ARMC9: variants seen among roughly 807,000 people sequenced by gnomAD.
ARMC9 encodes the protein lisH domain-containing protein ARMC9.
A neutral mutation model predicts 107.0 loss-of-function variants in ARMC9; 94 were observed. The ratio of observed to expected loss-of-function variants is 0.88; its 90% CI spans 0.74 to 1.04. The LOEUF is 1.04. Among genes scored for constraint, ARMC9 ranks in the 50% least tolerant of loss-of-function variants. The pLI is 0.00. For synonymous variants in ARMC9, 380 were observed against 396.9 expected, an observed-to-expected ratio of 0.96 and a Z score of 0.51; for missense variants, 942 against 1,030.1, an observed-to-expected ratio of 0.91 and a Z score of 1.17.
intron 3 of ARMC9, among the ~76,000 whole-genome samples, chr2:231,210,569 A>T (rs1356780384): frequency 6.6e-6 from 1 of 152,242 alleles, no homozygotes; most frequent in African/African-American, 2.4e-5. Context: ...CTCTTTTGTG[A>T]AGTTCACACA....
At chr2:231,262,659 C>A (rs543690888) in intron 12 of ARMC9, among the ~76,000 whole-genome samples, 28 of 152,272 alleles carry the variant, frequency 1.8e-4, no homozygotes, top group Admixed American at 1.5e-3. Context: ...CTCTTTACCT[C>A]ACCTCACTGC....
intron 7 of ARMC9, among the ~76,000 whole-genome samples, chr2:231,228,580 AAGTC>A (rs1421085309): frequency 2.0e-5 from 3 of 152,216 alleles, no homozygotes; most frequent in Non-Finnish European, 2.9e-5. Context: ...CTAGCCTCTG[AAGTC>A]AGTCAGTCAT....
chr2:231,338,875 A>G (rs1156840751), intron 20 of ARMC9, among the ~76,000 whole-genome samples: 1 of 151,532 alleles, frequency 6.6e-6, no homozygotes, highest in Non-Finnish European at 1.5e-5. Context: ...CTGTCTACAT[A>G]TATGAAGATG....
At position 231,255,011 on chromosome 2, in the gene ARMC9, C is replaced by G. The variant is rs1322650521; in HGVS notation, c.880-1575C>G. 6.6e-6 allele frequency among the ~76,000 whole-genome samples: 1 copy of G among 152,174 alleles called. No homozygotes were observed. The highest frequency in any genetic ancestry group is 1.5e-5 in the Non-Finnish European group (1 of 68,042). Reference sequence around the variant, plus strand: ...ACAGTTAACACTAATTCCTTAGTATCTAATACCAGTCCACTCCATATTCAA... The same window carrying G: ...ACAGTTAACACTAATTCCTTAGTATGTAATACCAGTCCACTCCATATTCAA... On this transcript the variant is annotated intron_variant, in intron 9 of 24. Coordinates refer to ENST00000611582, the MANE Select transcript of ARMC9 (RefSeq NM_001352754.2). The surrounding 1 kb of genome is among the most constrained non-coding windows in gnomAD (Gnocchi z 4.7).
intron 19 of ARMC9, among the ~76,000 whole-genome samples, chr2:231,317,508 T>G (rs2125527566): frequency 6.6e-6 from 1 of 151,966 alleles, no homozygotes; most frequent in East Asian, 1.9e-4. Context: ...GTGTTTTTTT[T>G]GTGTGTGTTT....
intron 19 of ARMC9, among the ~76,000 whole-genome samples, chr2:231,308,068 G>T (rs779285472): frequency 6.6e-6 from 1 of 152,190 alleles, no homozygotes; most frequent in African/African-American, 2.4e-5. Flanking sequence ...ACAGTAAAGA[G>T]TGGACACTCA....
intron 19 of ARMC9, among the ~76,000 whole-genome samples, chr2:231,298,507 G>A (rs1010248154): frequency 6.6e-6 from 1 of 152,226 alleles, no homozygotes; most frequent in East Asian, 1.9e-4. Flanking sequence ...CTCTGAAGGA[G>A]ACAGCAAAAT....
chr2:231,311,706 T>C (rs1256903891), intron 19 of ARMC9, among the ~76,000 whole-genome samples: 1 of 139,302 alleles, frequency 7.2e-6, no homozygotes, highest in Non-Finnish European at 1.5e-5. Flanking sequence ...GGAGGTGGAG[T>C]TCTCAGTGAG....
Position 231,278,696 on chromosome 2 carries a change from C to T in ARMC9, c.1551+238C>T, listed in dbSNP as rs1320180429. Among the ~76,000 whole-genome samples, 5 of 151,950 alleles carry T rather than the reference C, an allele frequency of 3.3e-5. No individual in the cohort carries two copies. In the East Asian group the frequency reaches 9.7e-4, roughly 29 times the overall value. On this transcript the variant is annotated intron_variant, in intron 16 of 24. Transcript: ENST00000611582. ...TGTCTGCTTGGCCCACTGGCCTGTGCCGGGCCCCTCCGGCATTGCTGTTTC... is the reference window on the plus strand; with the variant it reads ...TGTCTGCTTGGCCCACTGGCCTGTGTCGGGCCCCTCCGGCATTGCTGTTTC...
chr2:231,335,139 G>C (rs1417076773), intron 20 of ARMC9, among the ~76,000 whole-genome samples: 1 of 152,198 alleles, frequency 6.6e-6, no homozygotes, highest in Non-Finnish European at 1.5e-5. Flanking sequence ...TTACCGTCAA[G>C]AAGTTTTCAG....
intron 3 of ARMC9, among the ~76,000 whole-genome samples, chr2:231,214,321 C>A (rs1381070875): frequency 6.6e-6 from 1 of 152,184 alleles, no homozygotes; most frequent in African/African-American, 2.4e-5. Context: ...AGCAATGGGG[C>A]AAGTGGCAGC....
intron 23 of ARMC9, among the ~76,000 whole-genome samples, chr2:231,365,945 G>C (rs2045799063): frequency 2.0e-5 from 3 of 152,184 alleles, no homozygotes; most frequent in Non-Finnish European, 4.4e-5. Context: ...AGTGGGAGGG[G>C]CCAGGCAGAG....
At chr2:231,333,065 C>T (rs189182747) in intron 20 of ARMC9, among the ~76,000 whole-genome samples, 13 of 152,312 alleles carry the variant, frequency 8.5e-5, no homozygotes, top group Admixed American at 3.9e-4. Flanking sequence ...TTGCCACCCC[C>T]AACCCAGACC....
At chr2:231,363,106 G>A (rs1040800142) in intron 23 of ARMC9, among the ~76,000 whole-genome samples, 4 of 152,222 alleles carry the variant, frequency 2.6e-5, no homozygotes, top group African/African-American at 9.6e-5. Flanking sequence ...CAGGGAGTGT[G>A]CAAGGAGTGC....
intron 20 of ARMC9, among the ~76,000 whole-genome samples, chr2:231,339,675 C>T (rs1018856318): frequency 1.3e-5 from 2 of 152,226 alleles, no homozygotes; most frequent in Non-Finnish European, 2.9e-5. Context: ...AGCAGTGGCT[C>T]ACGCCTGTAA....
intron 17 of ARMC9, 128 bp downstream of exon 17, chr2:231,282,261 A>G (rs1028358518): frequency 1.1e-6 from 1 of 895,092 alleles, no homozygotes; most frequent in Non-Finnish European, 1.8e-6. Context: ...TTGAAATTGT[A>G]TGTAAAATGT....
rs535812045 is a variant in ARMC9, at chr2:231,312,040, A to G, written c.1773+15787A>G. ...TCATTTGATCAATGTTATGTTTGCT[A>G]ACCCCCAAAAAACTACCCCAAATCT... On this transcript the variant is annotated intron_variant, in intron 19 of 24. Coordinates refer to ENST00000611582, the MANE Select transcript of ARMC9 (RefSeq NM_001352754.2). Among the ~76,000 whole-genome samples, 42 of 152,238 alleles carry G rather than the reference A, an allele frequency of 2.8e-4. No individual in the cohort carries two copies. In the South Asian group the frequency reaches 8.3e-3, roughly 30 times the overall value.
At chr2:231,277,998 C>T (rs1031501043) in intron 15 of ARMC9, among the ~76,000 whole-genome samples, 12 of 151,970 alleles carry the variant, frequency 7.9e-5, no homozygotes, top group East Asian at 1.9e-4. Flanking sequence ...TGGTGGTGTC[C>T]GTGCGTGGGA....
At chr2:231,202,162 G>A (rs1415177027) in intron 1 of ARMC9, among the ~76,000 whole-genome samples, 1 of 151,772 alleles carries the variant, frequency 6.6e-6, no homozygotes, top group Non-Finnish European at 1.5e-5. Context: ...ACCACACCCG[G>A]CTAATTTTTG....
Sources: gnomAD v4.1 joint callset for allele counts (sites outside exome capture counted in the v4.1 genomes callset) on GRCh38, gnomAD v4.1.1 for gene constraint, Gnocchi (gnomAD v3.1) non-coding constraint, MANE v1.5 for transcripts, NCBI Gene and HGNC (gene_info 2026-07-23, HGNC 2026-07-21) for gene names.